Variants in DIXDC1 observed in about 807,000 individuals in gnomAD.
DIXDC1 encodes DIX domain containing 1, also known as dixin.
A neutral mutation model predicts 103.1 loss-of-function variants in DIXDC1; 64 were observed. The ratio of observed to expected loss-of-function variants is 0.62; its 90% CI spans 0.51 to 0.76. DIXDC1 has a LOEUF of 0.76. Among genes scored for constraint, DIXDC1 ranks in the 30% least tolerant of loss-of-function variants. DIXDC1 has a pLI of 0.00. For synonymous variants in DIXDC1, 266 were observed against 298.5 expected (o/e 0.89, Z 1.12); for missense variants, 759 against 834.2 (o/e 0.91, Z 1.11).
rs1860157847 is a variant in DIXDC1 at position 111,977,667 on chromosome 11, C to T, written c.656+2684C>T. On this transcript the variant is annotated intron_variant, in intron 5 of 19. Coordinates refer to ENST00000440460, the MANE Select transcript of DIXDC1 (RefSeq NM_001037954.4). This position sits in a 1 kb window ranked among gnomAD's most constrained non-coding sequence, Gnocchi z 6.1. The stretch of plus-strand genomic sequence containing the variant: ...GCCTTCCCGTGGAGGCGTTTTCCAG[C>T]CCCAGCGCGGGGAGACATGCCTGAA... 2 of 1,546,676 alleles carry T rather than the reference C, an allele frequency of 1.3e-6. No homozygotes were observed. The highest frequency in any genetic ancestry group is 3.9e-5 in the Admixed American group (2 of 50,772).
rs147979828 is a variant in DIXDC1, at chr11:111,984,701, G to A, written c.919-531G>A. 2.6e-5 allele frequency among the ~76,000 whole-genome samples: 4 copies of A among 152,330 alleles called. No individual in the cohort carries two copies. The East Asian group carries it at 7.7e-4, about 29-fold the overall frequency. ...AACCACCTGGGTCAGGAGCTGAAATGAATGAGGACATCTCTCTGCAAATGT... is the reference window on the plus strand; with the variant it reads ...AACCACCTGGGTCAGGAGCTGAAATAAATGAGGACATCTCTCTGCAAATGT... On this transcript the variant is annotated intron_variant, in intron 7 of 19. Coordinates refer to ENST00000440460, the MANE Select transcript of DIXDC1 (RefSeq NM_001037954.4).
At chr11:111,978,818 G>A (rs1555172954) in intron 5 of DIXDC1, among the ~76,000 whole-genome samples, 2 of 152,198 alleles carry the variant, frequency 1.3e-5, no homozygotes, top group Non-Finnish European at 2.9e-5. Flanking sequence ...AGCTCTTGCA[G>A]GCCGCTTTCT....
intron 1 of DIXDC1, among the ~76,000 whole-genome samples, chr11:111,959,859 G>T (rs1220182781): frequency 1.3e-5 from 2 of 152,142 alleles, no homozygotes; most frequent in African/African-American, 4.8e-5. Flanking sequence ...TCAGCAGTGT[G>T]ATCTATTGGC....
intron 17 of DIXDC1, 144 bp from the exon 18 acceptor site, chr11:112,016,547 A>G (rs192124815): frequency 7.2e-5 from 43 of 595,684 alleles, no homozygotes; most frequent in Non-Finnish European, 9.5e-5. Flanking sequence ...CAACCATAGC[A>G]TATGGACATT....
intron 17 of DIXDC1, among the ~76,000 whole-genome samples, chr11:112,011,652 A>G (rs1190508888): frequency 1.3e-5 from 2 of 152,232 alleles, no homozygotes; most frequent in Non-Finnish European, 2.9e-5. Flanking sequence ...TGTCCTTTGC[A>G]GGGACATGGA....
chr11:111,966,318 G>A (rs1859730283), intron 2 of DIXDC1, among the ~76,000 whole-genome samples: 1 of 148,822 alleles, frequency 6.7e-6, no homozygotes, highest in Non-Finnish European at 1.5e-5. Flanking sequence ...CACCTTCTGG[G>A]TTCAAGCAAT....
At chr11:111,962,043 T>A (rs1859597214) in intron 1 of DIXDC1, among the ~76,000 whole-genome samples, 1 of 152,178 alleles carries the variant, frequency 6.6e-6, no homozygotes, top group East Asian at 1.9e-4. Flanking sequence ...GGGCTTGTTG[T>A]AGCCTCATAA....
At chr11:111,982,267 AC>A (rs1860332351) in intron 6 of DIXDC1, 71 bp from the exon 7 acceptor site, 1 of 1,536,010 alleles carries the variant, frequency 6.5e-7, no homozygotes, top group Admixed American at 2.0e-5. Flanking sequence ...TGTGAACGCT[AC>A]CCTGTGAACG....
chr11:111,942,422 A>G (rs1966451398), intron 1 of DIXDC1, among the ~76,000 whole-genome samples: 2 of 152,266 alleles, frequency 1.3e-5, no homozygotes, highest in South Asian at 4.1e-4. Flanking sequence ...TCCTGAATGC[A>G]TTTTCTTGTT....
chr11:111,982,556 A>AATAAACTGATTTTAGTTTTCTAG (rs373079623), intron 7 of DIXDC1, 69 bp downstream of exon 7: 7 of 1,527,942 alleles, frequency 4.6e-6, no homozygotes, highest in African/African-American at 4.1e-5. Flanking sequence ...ATCAATGGAA[A>AATAAACTGATTTTAGTTTTCTAG]ATAAACTGAT....
chr11:111,949,439 A>G (rs1297159289), intron 1 of DIXDC1, among the ~76,000 whole-genome samples: 13 of 152,102 alleles, frequency 8.5e-5, no homozygotes, highest in Admixed American at 3.3e-4. Flanking sequence ...GTCGCTCCCT[A>G]CATCCTATCA....
intron 1 of DIXDC1, among the ~76,000 whole-genome samples, chr11:111,950,028 A>G (rs79864540): frequency 0.017 from 2,570 of 152,288 alleles, 27 homozygotes; most frequent in Middle Eastern, 0.058. Flanking sequence ...TAGGGACTCA[A>G]GAATATGTTG....
At chr11:111,946,863 C>G in intron 1 of DIXDC1, 1 of 368,180 alleles carries the variant, frequency 2.7e-6, no homozygotes, top group South Asian at 2.3e-5. Flanking sequence ...TGCAGAAAAG[C>G]CTACAATGGT....
At chr11:111,944,141 C>T (rs1430893542) in intron 1 of DIXDC1, among the ~76,000 whole-genome samples, 1 of 152,224 alleles carries the variant, frequency 6.6e-6, no homozygotes, top group Non-Finnish European at 1.5e-5. Flanking sequence ...TCCCCACCCT[C>T]ATCTCCTCAT....
chr11:111,950,427 TATA>T (rs1966748755), intron 1 of DIXDC1, among the ~76,000 whole-genome samples: 1 of 23,130 alleles, frequency 4.3e-5, no homozygotes, highest in African/African-American at 2.8e-4. Flanking sequence ...TATATATATA[TATA>T]TATATATATT....
Position 111,989,973 on chromosome 11 carries a change from G to A in DIXDC1, c.1113+918G>A, listed in dbSNP as rs1860644033. 2.6e-5 allele frequency among the ~76,000 whole-genome samples: 4 copies of A among 151,098 alleles called. No homozygotes were observed. The South Asian group carries it at 8.4e-4, about 32-fold the overall frequency. Reference sequence around the variant, plus strand: ...CCGGCTAATTTTTTGTATTTTTTTAGTAGAGACGGGGTTTCACCGTGTTAG... The same window carrying A: ...CCGGCTAATTTTTTGTATTTTTTTAATAGAGACGGGGTTTCACCGTGTTAG... On this transcript the variant is annotated intron_variant, in intron 10 of 19. Coordinates refer to ENST00000440460, the MANE Select transcript of DIXDC1 (RefSeq NM_001037954.4).
At chr11:112,014,364 C>T (rs984902611) in intron 17 of DIXDC1, among the ~76,000 whole-genome samples, 10 of 152,342 alleles carry the variant, frequency 6.6e-5, no homozygotes, top group African/African-American at 2.4e-4. Context: ...TACCTCACAA[C>T]TTCCCAATGT....
intron 14 of DIXDC1, 34 bp downstream of exon 14, chr11:111,993,774 T>G: frequency 6.2e-7 from 1 of 1,608,926 alleles, no homozygotes; most frequent in Non-Finnish European, 8.5e-7. Context: ...CTCCCACATT[T>G]ATGAAGCAAA....
intron 17 of DIXDC1, among the ~76,000 whole-genome samples, chr11:112,008,062 T>C (rs1566573889): frequency 6.8e-6 from 1 of 146,120 alleles, no homozygotes. Context: ...AGGAGACCCA[T>C]ATCACGTGCA....
Sources: gnomAD v4.1 joint callset for allele counts (sites outside exome capture counted in the v4.1 genomes callset) on GRCh38, gnomAD v4.1.1 for gene constraint, Gnocchi (gnomAD v3.1) non-coding constraint, MANE v1.5 for transcripts, NCBI Gene and HGNC (gene_info 2026-07-23, HGNC 2026-07-21) for gene names.